PEX19: variants seen among roughly 807,000 people sequenced by gnomAD.
PEX19 encodes 33 kDa housekeeping protein.
PEX19 carries 29 observed loss-of-function variants against 36.3 expected under a neutral mutation model. That is an observed-to-expected ratio of 0.80 (90% CI 0.60 to 1.09). The LOEUF (loss-of-function observed/expected upper bound fraction) is 1.09, where lower values mean the gene tolerates loss of function less well. Ranked by LOEUF, PEX19 falls within the 50% of genes least tolerant of loss-of-function variation. PEX19 has a pLI of 0.00. For synonymous variants in PEX19, 141 were observed against 135.2 expected (o/e 1.04, Z -0.30); for missense variants, 396 against 368.1 (o/e 1.08, Z -0.62).
At chr1:160,284,230 A>T in intron 1 of PEX19, 1 of 468,866 alleles carries the variant, frequency 2.1e-6, no homozygotes, top group South Asian at 1.6e-5. Context: ...CTCTGCAGAT[A>T]ACCGTACACT....
intron 7 of PEX19, 30 bp from the exon 8 acceptor site, chr1:160,279,664 T>C (rs758233826): frequency 6.3e-7 from 1 of 1,592,720 alleles, no homozygotes; most frequent in Non-Finnish European, 8.6e-7. Context: ...ACTCAGATAG[T>C]TGCTCATTTT....
In PEX19 at chr1:160,277,280, C is replaced by T. The variant is rs1181756959; in HGVS notation, c.*2271G>A. 3 of 455,442 alleles carry T rather than the reference C, an allele frequency of 6.6e-6. No individual in the cohort carries two copies. The highest frequency in any genetic ancestry group is 1.3e-5 in the Non-Finnish European group (3 of 226,752). The allele number at this position is 455,442 out of a possible 1,614,324, so 28.2% of individuals were successfully genotyped here. On this transcript the variant is annotated 3_prime_UTR_variant, in exon 8 of 8. Coordinates refer to ENST00000368072, the MANE Select transcript of PEX19 (RefSeq NM_002857.4). The stretch of plus-strand genomic sequence containing the variant: ...AAAACTTTTTAGCATTTCAATGTTG[C>T]TGTGATATCCAAGTACATGATCAAT...
intron 4 of PEX19, 78 bp from the exon 5 acceptor site, chr1:160,282,278 A>G: frequency 1.3e-6 from 2 of 1,517,314 alleles, no homozygotes; most frequent in Non-Finnish European, 1.8e-6. Context: ...GACAAAGATA[A>G]ACTATCTAAA....
intron 1 of PEX19, among the ~76,000 whole-genome samples, chr1:160,284,732 G>A (rs1657935621): frequency 6.6e-6 from 1 of 152,204 alleles, no homozygotes; most frequent in Admixed American, 6.5e-5. Flanking sequence ...AAATGCTGCT[G>A]CTGCTGCTAC....
At position 160,278,250 on chromosome 1, in the gene PEX19, T is replaced by C. The variant is rs1557852193; in HGVS notation, c.*1301A>G. The C allele has an allele frequency of 2.9e-6, 2 of 700,170 alleles. No individual in the cohort carries two copies. Among genetic ancestry groups the C allele is most frequent in the Non-Finnish European group, 5.2e-6 (2 of 384,648 alleles). The allele number at this position is 700,170 out of a possible 1,614,324, so 43.4% of individuals were successfully genotyped here. On this transcript the variant is annotated 3_prime_UTR_variant, in exon 8 of 8. Transcript: ENST00000368072. ...ATATTACTAACATTAATAACAATAA[T>C]GTAAAAGGTTAAAATATAATACCAC...
chr1:160,279,965 A>AT, intron 6 of PEX19, 105 bp downstream of exon 6: 2 of 1,372,088 alleles, frequency 1.5e-6, no homozygotes, highest in South Asian at 2.3e-5. Context: ...ACAAGAGAGG[A>AT]TCCCTCCTCC....
chr1:160,279,761 G>T, intron 7 of PEX19, 40 bp downstream of exon 7: 1 of 1,588,788 alleles, frequency 6.3e-7, no homozygotes, highest in Non-Finnish European at 8.6e-7. Context: ...CTGGAAATTG[G>T]GGACTCAAAT....
At chr1:160,283,190 G>A in intron 2 of PEX19, 81 bp from the exon 3 acceptor site, 1 of 1,489,854 alleles carries the variant, frequency 6.7e-7, no homozygotes, top group East Asian at 2.3e-5. Flanking sequence ...CACAGGCAGT[G>A]GCTATGGGAA....
Position 160,285,108 on chromosome 1 carries a change from T to C in PEX19, c.17A>G (p.Glu6Gly), listed in dbSNP as rs181602818. The stretch of plus-strand genomic sequence containing the variant: ...CGCTTCGGCCCCGACACTACAGCCT[T>C]CCTCAGCGGCGGCCATCTTGCTACC... The part of the protein sequence containing the change: MAAAE[E>G]GCSVGAEADR... The change falls in exon 1 of 8, where the codon GAA (glutamate) becomes GGA (glycine). Residue 6 changes from glutamate (E) to glycine (G), a missense_variant. Glu to Gly is a moderately conservative substitution (Grantham distance 98, BLOSUM62 -2). Transcript: ENST00000368072. 71 of 1,613,936 alleles carry C rather than the reference T, an allele frequency of 4.4e-5. No homozygotes were observed. The highest frequency in any genetic ancestry group is 1.7e-4 in the Middle Eastern group (1 of 6,060).
rs1421464347 is a variant in PEX19, at chr1:160,278,079, C to T, written c.*1472G>A. On this transcript the variant is annotated 3_prime_UTR_variant, in exon 8 of 8. Transcript: ENST00000368072. ...TGCATGTGAATTTGCTTTGGAGAGA[C>T]TTATCTTCTGAGTGAACCAGGACAG... 1.4e-6 allele frequency: 1 copy of T among 702,382 alleles called. No homozygotes were observed. Among genetic ancestry groups the T allele is most frequent in the Non-Finnish European group, 2.6e-6 (1 of 384,970 alleles). 43.5% of individuals were successfully genotyped at this position (702,382 alleles called of 1,614,324 possible).
Position 160,279,822 on chromosome 1 carries a change from T to C in PEX19, c.795A>G (p.Pro265=). The C allele has an allele frequency of 6.2e-7, 1 of 1,613,624 alleles. No homozygotes were observed. Among genetic ancestry groups the C allele is most frequent in the East Asian group, 2.2e-5 (1 of 44,890 alleles). ...MQQLQDLGHP[P]KELAGEMPPG... ...TCACCATCTCTCCAGCCAGCTCTTT[T>C]GGAGGATGGCCTAAATCTTGTAGCT... Residue 265 remains proline (P), a synonymous_variant, in exon 7 of 8, where the codon CCA becomes CCG. Coordinates refer to ENST00000368072, the MANE Select transcript of PEX19 (RefSeq NM_002857.4).
intron 1 of PEX19, 45 bp downstream of exon 1, chr1:160,285,010 C>A: frequency 7.3e-7 from 1 of 1,377,142 alleles, no homozygotes; most frequent in South Asian, 1.2e-5. Context: ...CAGAATGGGT[C>A]CTCACACGTG....
chr1:160,283,089 T>C lies in PEX19; in HGVS notation c.201A>G (p.Gln67=). The C allele has an allele frequency of 6.2e-7, 1 of 1,613,840 alleles. No homozygotes were observed. Among genetic ancestry groups the C allele is most frequent in the South Asian group, 1.1e-5 (1 of 91,058 alleles). ...DTAKDALFAS[Q]EKFFQELFDS... is the part of the protein sequence containing the mutation. ...CGAATAGTTCCTGGAAAAACTTCTC[T>C]TGGGAAGCGAAGAGGGCATCCTGCG... The change falls in exon 3 of 8, where the codon CAA becomes CAG. Residue 67 remains glutamine (Q), a synonymous_variant. Transcript: ENST00000368072.
In PEX19 at chr1:160,277,938, A is replaced by G; in HGVS notation, c.*1613T>C. The G allele has an allele frequency of 1.4e-6, 1 of 692,440 alleles. No individual in the cohort carries two copies. Among genetic ancestry groups the G allele is most frequent in the South Asian group, 1.5e-5 (1 of 66,628 alleles). 42.9% of individuals were successfully genotyped at this position (692,440 alleles called of 1,614,324 possible). On this transcript the variant is annotated 3_prime_UTR_variant, in exon 8 of 8. Coordinates refer to ENST00000368072, the MANE Select transcript of PEX19 (RefSeq NM_002857.4). ...GAGTTGGAATTTCCCAAATAGCCTG[A>G]GACCTTGAGAACATTTCCTTCCTCA...
rs1415580011 is a variant in PEX19 at position 160,277,987 on chromosome 1, T to A, written c.*1564A>T. 1 of 698,492 alleles carries A rather than the reference T, an allele frequency of 1.4e-6. No homozygotes were observed. Among genetic ancestry groups the A allele is most frequent in the African/African-American group, 1.8e-5 (1 of 57,134 alleles). The allele number at this position is 698,492 out of a possible 1,614,324, so 43.3% of individuals were successfully genotyped here. On this transcript the variant is annotated 3_prime_UTR_variant, in exon 8 of 8. Transcript: ENST00000368072. ...CACCAATACCATAAAACATGTAAGG[T>A]CTTCAAGGGGTGAAAAGTTTTAACC...
At chr1:160,281,770 G>C (rs1446566024) in intron 5 of PEX19, among the ~76,000 whole-genome samples, 4 of 152,180 alleles carry the variant, frequency 2.6e-5, no homozygotes, top group South Asian at 2.1e-4. Flanking sequence ...CCAGAGTCTT[G>C]AACCAGTTTA....
At position 160,277,625 on chromosome 1, in the gene PEX19, G is replaced by T; in HGVS notation, c.*1926C>A. The T allele has an allele frequency of 2.2e-6, 1 of 454,276 alleles. No homozygotes were observed. 28.1% of individuals were successfully genotyped at this position (454,276 alleles called of 1,614,324 possible). A position where few individuals can be genotyped will look rare whatever the true frequency, so the allele number is the denominator to read the frequency against. ...GGGAACAAAGATAAAGTGGACTAGG[G>T]CATCTATTTAGATTCCTGGAGTAAG... On this transcript the variant is annotated 3_prime_UTR_variant, in exon 8 of 8. Transcript: ENST00000368072.
At chr1:160,283,458 G>A (rs1229690474) in intron 2 of PEX19, 72 bp downstream of exon 2, 2 of 1,115,202 alleles carry the variant, frequency 1.8e-6, no homozygotes, top group African/African-American at 1.6e-5. Flanking sequence ...TGGCCCATAG[G>A]GGCCTGCCCA....
chr1:160,283,169 C>G, intron 2 of PEX19, 60 bp from the exon 3 acceptor site: 1 of 1,579,744 alleles, frequency 6.3e-7, no homozygotes, highest in Non-Finnish European at 8.7e-7. Context: ...CACCTGGCCT[C>G]TGATAGAAGC....
Sources: gnomAD v4.1 joint callset for allele counts (sites outside exome capture counted in the v4.1 genomes callset) on GRCh38, gnomAD v4.1.1 for gene constraint, MANE v1.5 for transcripts, NCBI Gene and HGNC (gene_info 2026-07-23, HGNC 2026-07-21) for gene names.